The following RIBC2 variants were observed in gnomAD, a reference collection of about 807,000 sequenced individuals.
RIBC2 encodes RIB43A-like with coiled-coils protein 2.
In RIBC2, 40 loss-of-function variants were observed where a neutral mutation model predicts 44.3. The observed-to-expected ratio is 0.90, with a 90% confidence interval of 0.70 to 1.18. The LOEUF (loss-of-function observed/expected upper bound fraction) is 1.18, where lower values mean the gene tolerates loss of function less well. Among genes scored for constraint, RIBC2 ranks in the 50% most tolerant of loss-of-function variants. RIBC2 has a pLI of 0.00. For missense variants in RIBC2, 459 were observed against 485.5 expected, an observed-to-expected ratio of 0.95 and a Z score of 0.51; for synonymous variants, 171 against 175.0, an observed-to-expected ratio of 0.98 and a Z score of 0.18.
intron 3 of RIBC2, chr22:45,418,228 G>A: frequency 3.8e-6 from 1 of 262,698 alleles, no homozygotes; most frequent in Non-Finnish European, 7.3e-6. Flanking sequence ...GTCCCAGTTG[G>A]ATGCCGGCGT....
intron 4 of RIBC2, among the ~76,000 whole-genome samples, chr22:45,422,869 A>C (rs2087500081): frequency 6.6e-6 from 1 of 152,062 alleles, no homozygotes; most frequent in South Asian, 2.1e-4. Flanking sequence ...GGGCCTCCTG[A>C]GACCTCCCAC....
chr22:45,424,212 A>T (rs921554238), intron 4 of RIBC2, among the ~76,000 whole-genome samples: 4 of 152,140 alleles, frequency 2.6e-5, no homozygotes, highest in African/African-American at 9.7e-5. Flanking sequence ...CTCTGCTACT[A>T]ACTACAACTA....
At chr22:45,417,498 ATGAGGCC>A in intron 2 of RIBC2, 97 bp from the exon 3 acceptor site, 1 of 878,584 alleles carries the variant, frequency 1.1e-6, no homozygotes, top group South Asian at 1.9e-5. Flanking sequence ...AGGCAACATA[ATGAGGCC>A]CTATCTCTAA....
intron 4 of RIBC2, among the ~76,000 whole-genome samples, chr22:45,424,696 T>G (rs2087517526): frequency 6.6e-6 from 1 of 150,992 alleles, no homozygotes; most frequent in South Asian, 2.1e-4. Context: ...ATGTGGCTAG[T>G]CCCCGCAGGC....
intron 3 of RIBC2, among the ~76,000 whole-genome samples, chr22:45,419,535 G>A (rs940176472): frequency 6.6e-6 from 1 of 151,798 alleles, no homozygotes; most frequent in Non-Finnish European, 1.5e-5. Flanking sequence ...AGAGATCAAG[G>A]CCAGCCCGGG....
At chr22:45,423,889 A>T (rs937351578) in intron 4 of RIBC2, among the ~76,000 whole-genome samples, 8 of 152,336 alleles carry the variant, frequency 5.3e-5, no homozygotes, top group African/African-American at 1.9e-4. Flanking sequence ...CTTGACAATT[A>T]GTCCACTGTT....
chr22:45,431,928 G>A (rs963068454), intron 6 of RIBC2, among the ~76,000 whole-genome samples: 8 of 152,206 alleles, frequency 5.3e-5, no homozygotes, highest in Admixed American at 1.3e-4. Flanking sequence ...AGCAATGATC[G>A]CACCACTGCA....
At position 45,413,999 on chromosome 22, in the gene RIBC2, G is replaced by GA; in HGVS notation, c.116dup (p.Asn39LysfsTer9). The GA allele has an allele frequency of 1.9e-6, 3 of 1,551,684 alleles. No homozygotes were observed. The highest frequency in any genetic ancestry group is 2.6e-6 in the Non-Finnish European group (3 of 1,146,972). ...AGGCAGAAGCGGGTCTTCAACGCCA[G>GA]AAACAGGATAATTGGGGTGAAAGGG... On this transcript the variant is annotated frameshift_variant, in exon 1 of 7. Transcript: ENST00000614167. LOFTEE classifies it high-confidence loss of function.
chr22:45,421,250 C>T (rs1372918205), intron 3 of RIBC2, among the ~76,000 whole-genome samples: 2 of 151,244 alleles, frequency 1.3e-5, no homozygotes, highest in Non-Finnish European at 2.9e-5. Flanking sequence ...AGCCAAGATG[C>T]ACCACTGCAC....
chr22:45,422,547 C>T (rs12158305), intron 4 of RIBC2, 139 bp downstream of exon 4: 2 of 689,094 alleles, frequency 2.9e-6, no homozygotes, highest in Non-Finnish European at 5.2e-6. Context: ...GACAGAGACC[C>T]TGATGGGCTG....
Position 45,422,287 on chromosome 22 carries a change from C to G in RIBC2, c.557-3C>G, listed in dbSNP as rs954615794. ...GATCTGATTGCTTCTTGCCTCCTTT[C>G]AGAGGCCCTCTACACAGAGACAAGG... On this transcript the variant is annotated splice_polypyrimidine_tract_variant and splice_region_variant and intron_variant, in intron 3 of 6. Coordinates refer to ENST00000614167, the MANE Select transcript of RIBC2 (RefSeq NM_015653.5). 17 of 1,609,706 alleles carry G rather than the reference C, an allele frequency of 1.1e-5. No individual in the cohort carries two copies. The highest frequency in any genetic ancestry group is 2.7e-5 in the African/African-American group (2 of 74,870).
chr22:45,430,775 AC>A, intron 5 of RIBC2, 124 bp from the exon 6 acceptor site: 1 of 1,221,160 alleles, frequency 8.2e-7, no homozygotes, highest in Non-Finnish European at 1.1e-6. Context: ...TCGGTCACCT[AC>A]CTGCTCGTCC....
intron 3 of RIBC2, among the ~76,000 whole-genome samples, chr22:45,419,094 C>T (rs1029930450): frequency 6.6e-6 from 1 of 152,218 alleles, no homozygotes; most frequent in African/African-American, 2.4e-5. Flanking sequence ...CCAGTGCTCT[C>T]CTCTACCAGC....
Position 45,431,056 on chromosome 22 carries a change from C to T in RIBC2, c.1060C>T (p.Gln354Ter). The change falls in exon 6 of 7, where the codon CAG becomes TAG. Residue 354 changes from glutamine (Q) to a stop codon, truncating the protein, a stop_gained. Transcript: ENST00000614167. LOFTEE classifies it high-confidence loss of function. ...DSSNLSLAKE[Q>*]HLQKKYMNEV... The stretch of plus-strand genomic sequence containing the variant: ...CAGCAACCTCAGCCTGGCCAAGGAG[C>T]AGCATTTGCAGTGAGTGCTGGGTGG... The T allele has an allele frequency of 6.4e-7, 1 of 1,573,064 alleles. No homozygotes were observed. The highest frequency in any genetic ancestry group is 8.6e-7 in the Non-Finnish European group (1 of 1,159,266).
chr22:45,417,754 G>T lies in RIBC2; in HGVS notation c.364G>T (p.Ala122Ser), dbSNP rs557094454. Reference sequence around the variant, plus strand: ...TGAATTTGATCTGTCCGACCCCCTAGCCCTTAAGAAAGATCTTCCAGCCCG... The same window carrying T: ...TGAATTTGATCTGTCCGACCCCCTATCCCTTAAGAAAGATCTTCCAGCCCG... ...RREFDLSDPL[A>S]LKKDLPARQS... Residue 122 changes from alanine (A) to serine (S), a missense_variant, in exon 3 of 7, where the codon GCC becomes TCC. By Grantham distance (99) the Ala-to-Ser change is moderately conservative (BLOSUM62 1). Coordinates refer to ENST00000614167, the MANE Select transcript of RIBC2 (RefSeq NM_015653.5). 109 of 1,614,096 alleles carry T rather than the reference G, an allele frequency of 6.8e-5. 1 individual carries two copies. The highest frequency in any genetic ancestry group is 6.6e-4 in the South Asian group (60 of 91,082).
At chr22:45,418,215 G>A (rs1318054692) in intron 3 of RIBC2, 4 of 285,894 alleles carry the variant, frequency 1.4e-5, no homozygotes, top group South Asian at 8.7e-5. Context: ...TTTCCGTGTC[G>A]GGGTCCCAGT....
In RIBC2 at chr22:45,417,616, C is replaced by CA. The variant is rs748814257; in HGVS notation, c.230dup (p.Asn77LysfsTer2). 2.0e-5 allele frequency: 32 copies of CA among 1,609,674 alleles called. No homozygotes were observed. Among genetic ancestry groups the CA allele is most frequent in the Non-Finnish European group, 2.4e-5 (28 of 1,176,410 alleles). Reference sequence around the variant, plus strand: ...ATCTCTTCCAGCTGCTGAAATGAGGCAAAATGACAAAATCATGTGCATATT... The same window carrying CA: ...ATCTCTTCCAGCTGCTGAAATGAGGCAAAAATGACAAAATCATGTGCATATT... On this transcript the variant is annotated frameshift_variant, in exon 3 of 7. Coordinates refer to ENST00000614167, the MANE Select transcript of RIBC2 (RefSeq NM_015653.5). LOFTEE classifies it high-confidence loss of function.
chr22:45,421,511 T>C (rs1344381149), intron 3 of RIBC2, among the ~76,000 whole-genome samples: 10 of 96,470 alleles, frequency 1.0e-4, no homozygotes, highest in African/African-American at 3.9e-4. Context: ...AATAATAGTA[T>C]TATTAATAAT....
intron 4 of RIBC2, among the ~76,000 whole-genome samples, chr22:45,424,372 C>T (rs997960891): frequency 4.9e-4 from 54 of 111,032 alleles, no homozygotes; most frequent in African/African-American, 2.6e-3. Context: ...CACGCAGGCT[C>T]TGGAGCCCGA....
Sources: allele counts gnomAD v4.1 joint callset (sites outside exome capture counted in the v4.1 genomes callset), GRCh38; gene constraint gnomAD v4.1.1; transcripts MANE v1.5; gene names NCBI Gene and HGNC (gene_info 2026-07-23, HGNC 2026-07-21).